The following SNTB1 variants were observed in gnomAD, a reference collection of about 807,000 sequenced individuals.
SNTB1 encodes syntrophin beta 1, also known as beta-1-syntrophin.
In SNTB1, 36 loss-of-function variants were observed where a neutral mutation model predicts 48.9. That is an observed-to-expected ratio of 0.74 (90% CI 0.56 to 0.97). The LOEUF (loss-of-function observed/expected upper bound fraction) is 0.97. SNTB1 is among the 50% of genes least tolerant of loss of function. SNTB1 has a pLI of 0.00. For missense variants in SNTB1, 786 were observed against 703.4 expected (o/e 1.12, Z -1.33); for synonymous variants, 299 against 294.6 (o/e 1.01, Z -0.15).
Position 120,781,381 on chromosome 8 carries a change from A to AACCAAAGAT in SNTB1, c.571+29883_571+29891dup, listed in dbSNP as rs1310287536. 5.9e-5 allele frequency among the ~76,000 whole-genome samples: 9 copies of AACCAAAGAT among 152,204 alleles called. 1 individual carries two copies. Among genetic ancestry groups the AACCAAAGAT allele is most frequent in the African/African-American group, 2.2e-4 (9 of 41,522 alleles). Reference sequence around the variant, plus strand: ...ATCCTGTATTTTGCCATTTTTTTTTAACCAAAGATATTTTTCACTTGGATA... The same window carrying AACCAAAGAT: ...ATCCTGTATTTTGCCATTTTTTTTTAACCAAAGATACCAAAGATATTTTTCACTTGGATA... On this transcript the variant is annotated intron_variant, in intron 1 of 6. Coordinates refer to ENST00000517992, the MANE Select transcript of SNTB1 (RefSeq NM_021021.4).
intron 2 of SNTB1, among the ~76,000 whole-genome samples, chr8:120,655,726 T>G (rs1817490916): frequency 6.6e-6 from 1 of 152,228 alleles, no homozygotes; most frequent in African/African-American, 2.4e-5. Flanking sequence ...TTTTCCAAAT[T>G]ACATGTTGAG....
intron 1 of SNTB1, among the ~76,000 whole-genome samples, chr8:120,747,558 G>A (rs1490042747): frequency 9.2e-5 from 14 of 152,066 alleles, no homozygotes; most frequent in Admixed American, 9.2e-4. Context: ...CCGAAAGTGC[G>A]AGGATTACAG....
intron 1 of SNTB1, among the ~76,000 whole-genome samples, chr8:120,709,432 A>G (rs1027161071): frequency 6.6e-6 from 1 of 152,166 alleles, no homozygotes; most frequent in Non-Finnish European, 1.5e-5. Flanking sequence ...CAGACAGCAG[A>G]ATTATGAGTC....
At chr8:120,746,375 T>C (rs1420446081) in intron 1 of SNTB1, among the ~76,000 whole-genome samples, 1 of 152,156 alleles carries the variant, frequency 6.6e-6, no homozygotes, top group African/African-American at 2.4e-5. Context: ...ATATGTTAAT[T>C]GATTATGCTA....
intron 5 of SNTB1, among the ~76,000 whole-genome samples, chr8:120,545,704 C>T (rs2130648038): frequency 6.6e-6 from 1 of 152,322 alleles, no homozygotes; most frequent in South Asian, 2.1e-4. Flanking sequence ...CTGTCCACTG[C>T]CCAGCGAAGT....
chr8:120,596,915 C>G (rs940712353), intron 3 of SNTB1, among the ~76,000 whole-genome samples: 2 of 152,200 alleles, frequency 1.3e-5, no homozygotes, highest in Admixed American at 1.3e-4. Flanking sequence ...AGGTTTGGTG[C>G]TTAATGCATA....
chr8:120,706,127 C>T (rs963135311), intron 1 of SNTB1, among the ~76,000 whole-genome samples: 1 of 152,186 alleles, frequency 6.6e-6, no homozygotes, highest in Admixed American at 6.5e-5. Context: ...GCTTATCACT[C>T]AAATTTAAAT....
At chr8:120,732,331 C>G (rs182980495) in intron 1 of SNTB1, among the ~76,000 whole-genome samples, 1 of 152,280 alleles carries the variant, frequency 6.6e-6, no homozygotes, top group East Asian at 1.9e-4. Flanking sequence ...ATAATGTTAG[C>G]TGTGCCTACC....
intron 3 of SNTB1, among the ~76,000 whole-genome samples, chr8:120,579,553 C>T (rs150572142): frequency 6.6e-6 from 1 of 152,214 alleles, no homozygotes; most frequent in Non-Finnish European, 1.5e-5. Context: ...TGGTGCATGC[C>T]CTGTAGCCCC....
At chr8:120,780,364 G>A (rs945116667) in intron 1 of SNTB1, among the ~76,000 whole-genome samples, 1 of 152,092 alleles carries the variant, frequency 6.6e-6, no homozygotes, top group Non-Finnish European at 1.5e-5. Flanking sequence ...TAACATCAGT[G>A]TTTTCTGACT....
At chr8:120,730,353 A>C (rs1818831034) in intron 1 of SNTB1, among the ~76,000 whole-genome samples, 1 of 151,746 alleles carries the variant, frequency 6.6e-6, no homozygotes. Flanking sequence ...ATTTTTGTAG[A>C]GTATTTTGTA....
At chr8:120,605,481 C>G (rs1312709404) in intron 3 of SNTB1, among the ~76,000 whole-genome samples, 1 of 152,170 alleles carries the variant, frequency 6.6e-6, no homozygotes, top group African/African-American at 2.4e-5. Context: ...TGTATGTTCA[C>G]AAGCCCAGCC....
Position 120,672,634 on chromosome 8 carries a change from A to G in SNTB1, c.788+21058T>C, listed in dbSNP as rs907993671. Among the ~76,000 whole-genome samples, 6 of 152,208 alleles carry G rather than the reference A, an allele frequency of 3.9e-5. No individual in the cohort carries two copies. The South Asian group carries it at 6.2e-4, about 16-fold the overall frequency. ...TTTTTATCTCTAGTTTATGTCCAGAAATACACTCAAAGGCACGAAGTGACT... is the reference window on the plus strand; with the variant it reads ...TTTTTATCTCTAGTTTATGTCCAGAGATACACTCAAAGGCACGAAGTGACT... On this transcript the variant is annotated intron_variant, in intron 2 of 6. Coordinates refer to ENST00000517992, the MANE Select transcript of SNTB1 (RefSeq NM_021021.4).
At chr8:120,790,281 T>C (rs1487383875) in intron 1 of SNTB1, among the ~76,000 whole-genome samples, 1 of 151,938 alleles carries the variant, frequency 6.6e-6, no homozygotes, top group African/African-American at 2.4e-5. Flanking sequence ...GCCAACATCA[T>C]ACTGAATGGG....
At chr8:120,559,485 G>T (rs1010646369) in intron 4 of SNTB1, among the ~76,000 whole-genome samples, 4 of 152,104 alleles carry the variant, frequency 2.6e-5, no homozygotes, top group African/African-American at 9.7e-5. Flanking sequence ...ATTCCATGAG[G>T]CTTAAACTGG....
intron 3 of SNTB1, among the ~76,000 whole-genome samples, chr8:120,619,794 G>A (rs1188700691): frequency 6.6e-6 from 1 of 152,080 alleles, no homozygotes; most frequent in African/African-American, 2.4e-5. Flanking sequence ...AGACCTGGAG[G>A]AGGCCCAGAT....
chr8:120,679,415 C>G (rs1001063931), intron 2 of SNTB1, among the ~76,000 whole-genome samples: 1 of 152,170 alleles, frequency 6.6e-6, no homozygotes, highest in African/African-American at 2.4e-5. Flanking sequence ...CCTACCTCTG[C>G]CCTCCATCAA....
At chr8:120,792,269 A>G (rs1379495346) in intron 1 of SNTB1, among the ~76,000 whole-genome samples, 1 of 137,716 alleles carries the variant, frequency 7.3e-6, no homozygotes, top group Non-Finnish European at 1.5e-5. Flanking sequence ...TAAATACTGT[A>G]TGTTCTCATA....
chr8:120,620,170 CA>C (rs1255888554), intron 3 of SNTB1, among the ~76,000 whole-genome samples: 1 of 152,038 alleles, frequency 6.6e-6, no homozygotes, highest in African/African-American at 2.4e-5. Context: ...AAAAATACTC[CA>C]AAAGTAACTG....
Sources: gnomAD v4.1 joint callset for allele counts (sites outside exome capture counted in the v4.1 genomes callset) on GRCh38, gnomAD v4.1.1 for gene constraint, MANE v1.5 for transcripts, NCBI Gene and HGNC (gene_info 2026-07-23, HGNC 2026-07-21) for gene names.